The following CHCHD6 variants were observed in gnomAD, a reference collection of about 807,000 sequenced individuals.
The protein encoded by CHCHD6 is coiled-coil-helix-coiled-coil-helix domain containing 6.
A neutral mutation model predicts 32.3 loss-of-function variants in CHCHD6; 28 were observed. That is an observed-to-expected ratio of 0.87 (90% confidence interval 0.64 to 1.19). The LOEUF is 1.19. CHCHD6 is among the 50% of genes most tolerant of loss of function. The pLI is 0.00. For synonymous variants in CHCHD6, 122 were observed against 117.5 expected (o/e 1.04, Z -0.25); for missense variants, 333 against 307.0 (o/e 1.08, Z -0.63).
At chr3:126,819,722 G>A (rs547633965) in intron 4 of CHCHD6, among the ~76,000 whole-genome samples, 1 of 152,354 alleles carries the variant, frequency 6.6e-6, no homozygotes, top group East Asian at 1.9e-4. Flanking sequence ...CTGGCTGCAT[G>A]TCAGCATTTG....
rs140385411 is a variant in CHCHD6, at chr3:126,885,729, G to A, written c.496-28951G>A. On this transcript the variant is annotated intron_variant, in intron 5 of 7. Coordinates refer to ENST00000290913, the MANE Select transcript of CHCHD6 (RefSeq NM_032343.3). ...CTTCTGAAGATTCTCTTCTCTTTGG[G>A]CAGAAGGGAAAGTGACTGTCCTGTT... Among the ~76,000 whole-genome samples, 492 of 152,302 alleles carry A rather than the reference G, an allele frequency of 3.2e-3. 3 individuals carry two copies. The highest frequency in any genetic ancestry group is 9.0e-3 in the African/African-American group (373 of 41,558).
chr3:126,888,782 G>C (rs111389612), intron 5 of CHCHD6, among the ~76,000 whole-genome samples: 1 of 152,130 alleles, frequency 6.6e-6, no homozygotes, highest in Non-Finnish European at 1.5e-5. Context: ...TCGTTTTCCC[G>C]TGGCCACATT....
intron 6 of CHCHD6, among the ~76,000 whole-genome samples, chr3:126,918,449 G>A (rs1028072696): frequency 1.3e-5 from 2 of 152,344 alleles, no homozygotes; most frequent in Non-Finnish European, 2.9e-5. Flanking sequence ...GTCCCTGCCA[G>A]CAAGGAGCTT....
At chr3:126,727,299 G>T (rs544195419) in intron 2 of CHCHD6, 113 bp downstream of exon 2, 1 of 650,656 alleles carries the variant, frequency 1.5e-6, no homozygotes, top group Non-Finnish European at 2.7e-6. Flanking sequence ...TCTGGATGAC[G>T]TTAAGCAGCT....
chr3:126,711,341 T>C (rs866194439), intron 1 of CHCHD6, among the ~76,000 whole-genome samples: 118 of 152,344 alleles, frequency 7.7e-4, no homozygotes, highest in African/African-American at 2.7e-3. Flanking sequence ...TGCGGCAGAC[T>C]TTGTTTTCCG....
intron 4 of CHCHD6, among the ~76,000 whole-genome samples, chr3:126,792,884 G>A (rs1320977673): frequency 6.6e-6 from 1 of 152,108 alleles, no homozygotes; most frequent in Non-Finnish European, 1.5e-5. Flanking sequence ...TCTCCCTGCA[G>A]TTGTATTACA....
chr3:126,748,825 G>C (rs987828201), intron 4 of CHCHD6, among the ~76,000 whole-genome samples: 2 of 152,128 alleles, frequency 1.3e-5, no homozygotes, highest in Non-Finnish European at 2.9e-5. Flanking sequence ...AGCCCGGGCT[G>C]GGCTGGCCAT....
intron 4 of CHCHD6, among the ~76,000 whole-genome samples, chr3:126,752,401 C>T (rs1936763752): frequency 6.6e-6 from 1 of 152,160 alleles, no homozygotes; most frequent in Non-Finnish European, 1.5e-5. Flanking sequence ...GAGCGGAGCC[C>T]ACTAGGTGGC....
intron 5 of CHCHD6, among the ~76,000 whole-genome samples, chr3:126,873,663 C>T (rs550171031): frequency 6.6e-6 from 1 of 152,332 alleles, no homozygotes; most frequent in Admixed American, 6.5e-5. Context: ...CACCACTGAG[C>T]AGGCAGGATG....
chr3:126,862,459 T>A (rs1343723396), intron 5 of CHCHD6, among the ~76,000 whole-genome samples: 22 of 114,930 alleles, frequency 1.9e-4, no homozygotes, highest in African/African-American at 5.9e-4. Flanking sequence ...CACCTCCTCC[T>A]CCACCATCAC....
At chr3:126,877,577 A>G (rs1218771523) in intron 5 of CHCHD6, among the ~76,000 whole-genome samples, 1 of 152,140 alleles carries the variant, frequency 6.6e-6, no homozygotes, top group Non-Finnish European at 1.5e-5. Flanking sequence ...AATTAGGTCA[A>G]CAAAGATGAT....
At chr3:126,948,873 T>C (rs1340311094) in intron 6 of CHCHD6, among the ~76,000 whole-genome samples, 1 of 152,248 alleles carries the variant, frequency 6.6e-6, no homozygotes, top group Non-Finnish European at 1.5e-5. Flanking sequence ...AGCCCAGCTT[T>C]ATGTTCTCCC....
chr3:126,753,378 TGAG>T (rs1417918067), intron 4 of CHCHD6, among the ~76,000 whole-genome samples: 1 of 152,122 alleles, frequency 6.6e-6, no homozygotes, highest in Non-Finnish European at 1.5e-5. Context: ...ACCTGGAGGC[TGAG>T]GAGGAGGGGC....
intron 6 of CHCHD6, among the ~76,000 whole-genome samples, chr3:126,938,043 C>T (rs2078507059): frequency 6.6e-6 from 1 of 152,212 alleles, no homozygotes. Context: ...GTGCAGACAG[C>T]TAGCAGCAAG....
At chr3:126,763,191 C>A (rs950181944) in intron 4 of CHCHD6, among the ~76,000 whole-genome samples, 1 of 151,662 alleles carries the variant, frequency 6.6e-6, no homozygotes, top group Non-Finnish European at 1.5e-5. Context: ...CTTTCTGCTT[C>A]TTCCTTTCCC....
chr3:126,750,078 G>A (rs945173538), intron 4 of CHCHD6, among the ~76,000 whole-genome samples: 1 of 152,182 alleles, frequency 6.6e-6, no homozygotes, highest in Non-Finnish European at 1.5e-5. Flanking sequence ...ATCCAGTACA[G>A]AACCTGTCTT....
rs140681497 is a variant in CHCHD6, at chr3:126,791,399, C to T, written c.411+58177C>T. On this transcript the variant is annotated intron_variant, in intron 4 of 7. Coordinates refer to ENST00000290913, the MANE Select transcript of CHCHD6 (RefSeq NM_032343.3). ...GCAGAGTTTTCTGCTGCCTTTTGTT[C>T]GGCTATGCCCTGCCCCCAGAGGTGG... Among the ~76,000 whole-genome samples, 457 of 152,330 alleles carry T rather than the reference C, an allele frequency of 3.0e-3. 6 individuals are homozygous for T. The East Asian group carries it at 0.043, about 14-fold the overall frequency.
At chr3:126,840,424 TAGAA>T (rs1320324372) in intron 4 of CHCHD6, among the ~76,000 whole-genome samples, 1 of 152,194 alleles carries the variant, frequency 6.6e-6, no homozygotes, top group Non-Finnish European at 1.5e-5. Flanking sequence ...AAACACATTT[TAGAA>T]AGAACTCTGA....
At chr3:126,708,908 C>G (rs560030177) in intron 1 of CHCHD6, among the ~76,000 whole-genome samples, 1 of 152,088 alleles carries the variant, frequency 6.6e-6, no homozygotes, top group Non-Finnish European at 1.5e-5. Flanking sequence ...TAGATAGTCC[C>G]CTCTTGGTCT....
Sources: allele counts gnomAD v4.1 joint callset (sites outside exome capture counted in the v4.1 genomes callset), GRCh38; gene constraint gnomAD v4.1.1; transcripts MANE v1.5; gene names NCBI Gene and HGNC (gene_info 2026-07-23, HGNC 2026-07-21).